USP10: variants seen among roughly 807,000 people sequenced by gnomAD.
USP10 encodes the protein ubiquitin specific peptidase 10.
In USP10, 22 loss-of-function variants were observed where a neutral mutation model predicts 84.5. The observed-to-expected ratio is 0.26, with a 90% CI of 0.19 to 0.37. The LOEUF (loss-of-function observed/expected upper bound fraction) is 0.37, where lower values mean the gene tolerates loss of function less well. USP10 is among the 10% of genes least tolerant of loss of function. The pLI is 1.00. For missense variants in USP10, 1,019 were observed against 998.9 expected, an observed-to-expected ratio of 1.02 and a Z score of -0.27; for synonymous variants, 454 against 387.6, an observed-to-expected ratio of 1.17 and a Z score of -2.01.
At chr16:84,715,314 C>G (rs1906869633) in intron 1 of USP10, among the ~76,000 whole-genome samples, 1 of 152,144 alleles carries the variant, frequency 6.6e-6, no homozygotes, top group Non-Finnish European at 1.5e-5. Context: ...GGAAGATAAC[C>G]AAAGCATCCT....
At chr16:84,770,349 CCTTTAA>C (rs1009330976) in intron 11 of USP10, among the ~76,000 whole-genome samples, 9 of 151,896 alleles carry the variant, frequency 5.9e-5, no homozygotes, top group African/African-American at 2.2e-4. Flanking sequence ...TAAAATGCCA[CCTTTAA>C]CTTTATTATG....
chr16:84,744,713 A>G lies in USP10; in HGVS notation c.232A>G (p.Ser78Gly). The G allele has an allele frequency of 6.2e-7, 1 of 1,613,744 alleles. No homozygotes were observed. Among genetic ancestry groups the G allele is most frequent in the Non-Finnish European group, 8.5e-7 (1 of 1,179,720 alleles). The change falls in exon 4 of 14, where the codon AGT becomes GGT. Residue 78 changes from serine to glycine, a missense_variant. Ser to Gly is a moderately conservative substitution (Grantham distance 56). Coordinates refer to ENST00000219473, the MANE Select transcript of USP10 (RefSeq NM_005153.3). ...CACTTTGCCGAGAACCCCCAGCTAC[A>G]GTATTTCAAGCACACTGAACCCTCA... is the stretch of plus-strand genomic sequence containing the variant. Reference protein sequence around the residue: ...SDTLPRTPSYSISSTLNPQAP... With the variant: ...SDTLPRTPSYGISSTLNPQAP...
intron 1 of USP10, among the ~76,000 whole-genome samples, chr16:84,719,548 T>C (rs563278563): frequency 1.3e-5 from 2 of 152,348 alleles, no homozygotes; most frequent in African/African-American, 4.8e-5. Context: ...ACTGTTGTCT[T>C]AGGCCTTTGT....
At chr16:84,740,627 G>A (rs1567618164) in intron 3 of USP10, among the ~76,000 whole-genome samples, 1 of 152,232 alleles carries the variant, frequency 6.6e-6, no homozygotes, top group Non-Finnish European at 1.5e-5. Context: ...TTTCCTAACA[G>A]TTCTGAGTGC....
chr16:84,740,193 CG>C (rs1910463026), intron 2 of USP10, 115 bp from the exon 3 acceptor site: 1 of 826,936 alleles, frequency 1.2e-6, no homozygotes, highest in Admixed American at 2.7e-5. Context: ...CTAGAAGTAA[CG>C]GCATGCAAAG....
intron 1 of USP10, among the ~76,000 whole-genome samples, chr16:84,719,508 T>C (rs1907506608): frequency 6.6e-6 from 1 of 152,254 alleles, no homozygotes; most frequent in South Asian, 2.1e-4. Context: ...CTGAGGATGC[T>C]CTGATTCTAA....
intron 8 of USP10, among the ~76,000 whole-genome samples, chr16:84,762,331 C>CT (rs1456318518): frequency 2.0e-5 from 3 of 152,196 alleles, no homozygotes; most frequent in African/African-American, 7.2e-5. Context: ...CCCTAGACAT[C>CT]TAGTTCTTCG....
chr16:84,725,626 AC>A (rs1485242013), intron 1 of USP10, among the ~76,000 whole-genome samples: 2 of 151,498 alleles, frequency 1.3e-5, no homozygotes, highest in African/African-American at 4.9e-5. Flanking sequence ...CTGTTCTCTG[AC>A]TCCTGACCTC....
intron 12 of USP10, 37 bp downstream of exon 12, chr16:84,772,722 C>A (rs780829115): frequency 4.4e-5 from 71 of 1,607,724 alleles, no homozygotes; most frequent in Non-Finnish European, 6.0e-5. Context: ...TTCGTGGTGA[C>A]ACACTCCTGC....
At chr16:84,709,560 T>C (rs1906004339) in intron 1 of USP10, among the ~76,000 whole-genome samples, 1 of 152,066 alleles carries the variant, frequency 6.6e-6, no homozygotes, top group African/African-American at 2.4e-5. Context: ...AAGAATAGAC[T>C]CACGGGGTCG....
In USP10 at chr16:84,770,135, GA is replaced by G. The variant is rs1269911077; in HGVS notation, c.1998+1780del. Among the ~76,000 whole-genome samples, 6 of 152,086 alleles carry G rather than the reference GA, an allele frequency of 3.9e-5. 1 individual carries two copies. The highest frequency in any genetic ancestry group is 3.3e-4 in the Admixed American group (5 of 15,266). On this transcript the variant is annotated intron_variant, in intron 11 of 13. Coordinates refer to ENST00000219473, the MANE Select transcript of USP10 (RefSeq NM_005153.3). ...AACATAAGAAGAAATAAAAATAAAG[GA>G]AAGCTGGCATTTTGGTGGACTCCGG...
chr16:84,731,391 T>C (rs1413217899), intron 1 of USP10, among the ~76,000 whole-genome samples: 1 of 152,222 alleles, frequency 6.6e-6, no homozygotes, highest in Non-Finnish European at 1.5e-5. Flanking sequence ...AGCATGATTT[T>C]AGTTTATTTA....
chr16:84,724,636 C>G (rs1288030273), intron 1 of USP10, among the ~76,000 whole-genome samples: 1 of 152,158 alleles, frequency 6.6e-6, no homozygotes, highest in Non-Finnish European at 1.5e-5. Context: ...CTCCTTCTTC[C>G]TTTGTCTGCT....
At chr16:84,771,380 A>C (rs1049299661) in intron 11 of USP10, among the ~76,000 whole-genome samples, 3 of 152,188 alleles carry the variant, frequency 2.0e-5, no homozygotes, top group African/African-American at 7.2e-5. Flanking sequence ...CTGTAGTCCC[A>C]GCTACTTGGG....
In USP10 at chr16:84,740,327, A is replaced by C. The variant is rs1389134828; in HGVS notation, c.109A>C (p.Thr37Pro). 1 of 1,612,912 alleles carries C rather than the reference A, an allele frequency of 6.2e-7. No homozygotes were observed. The highest frequency in any genetic ancestry group is 8.5e-7 in the Non-Finnish European group (1 of 1,179,286). ...SSVELPPYSG[T>P]VLCGTQAVDK... ...TGTGCAGCTTCCTCCATACAGTGGA[A>C]CAGTTCTGTGTGGCACACAGGCTGT... Residue 37 changes from threonine (T) to proline (P), a missense_variant, in exon 3 of 14, where the codon ACA (threonine) becomes CCA (proline). Thr to Pro is a conservative substitution (Grantham distance 38, BLOSUM62 -1). Around this residue, in one of 2 missense-constraint regions of USP10, gnomAD observed 787 missense variants for 708.8 expected, o/e 1.11. Coordinates refer to ENST00000219473, the MANE Select transcript of USP10 (RefSeq NM_005153.3).
In USP10 at chr16:84,757,688, G is replaced by T. The variant is rs1912745557; in HGVS notation, c.1193-1028G>T. On this transcript the variant is annotated intron_variant, in intron 4 of 13. Transcript: ENST00000219473. ...ACATAGTAGGTGTATCTATTTGTGGGTTATATGATTAGTATACAATTTAAA... is the reference window on the plus strand; with the variant it reads ...ACATAGTAGGTGTATCTATTTGTGGTTTATATGATTAGTATACAATTTAAA... Among the ~76,000 whole-genome samples, 5 of 151,990 alleles carry T rather than the reference G, an allele frequency of 3.3e-5. 1 individual carries two copies. In the South Asian group the frequency reaches 1.0e-3, roughly 32 times the overall value.
At chr16:84,775,700 C>T (rs1370650730) in intron 13 of USP10, among the ~76,000 whole-genome samples, 2 of 152,220 alleles carry the variant, frequency 1.3e-5, no homozygotes, top group Admixed American at 6.5e-5. Flanking sequence ...CCTCGGCTGC[C>T]AGGCCCTCAG....
At chr16:84,702,576 G>T (rs1223755168) in intron 1 of USP10, among the ~76,000 whole-genome samples, 1 of 152,122 alleles carries the variant, frequency 6.6e-6, no homozygotes, top group Non-Finnish European at 1.5e-5. Context: ...AAGCGTCATG[G>T]TATGTATATT....
chr16:84,770,396 C>G (rs1567650310), intron 11 of USP10, among the ~76,000 whole-genome samples: 1 of 151,942 alleles, frequency 6.6e-6, no homozygotes, highest in Non-Finnish European at 1.5e-5. Context: ...TCTGTGGGAA[C>G]ATGTGAAGGT....
Sources: allele counts gnomAD v4.1 joint callset (sites outside exome capture counted in the v4.1 genomes callset), GRCh38; gene constraint gnomAD v4.1.1; regional missense constraint gnomAD v4.1.1; transcripts MANE v1.5; gene names NCBI Gene and HGNC (gene_info 2026-07-23, HGNC 2026-07-21).